The following DNAJB14 variants were observed in gnomAD, a reference collection of about 807,000 sequenced individuals.
DNAJB14 encodes DnaJ heat shock protein family (Hsp40) member B14.
A neutral mutation model predicts 48.4 loss-of-function variants in DNAJB14; 22 were observed. The observed-to-expected ratio is 0.45, with a 90% confidence interval of 0.32 to 0.65. The LOEUF (loss-of-function observed/expected upper bound fraction) is 0.65. DNAJB14 is among the 30% of genes least tolerant of loss of function. The pLI is 0.03. For missense variants in DNAJB14, 319 were observed against 458.8 expected (o/e 0.70, Z 2.78); for synonymous variants, 142 against 158.7 (o/e 0.89, Z 0.79).
intron 1 of DNAJB14, among the ~76,000 whole-genome samples, chr4:99,932,390 G>T (rs1392730400): frequency 2.0e-5 from 3 of 151,732 alleles, no homozygotes; most frequent in African/African-American, 7.3e-5. Flanking sequence ...CAAACAAATG[G>T]TCAATAAGCA....
In DNAJB14 at chr4:99,908,801, T is replaced by G. The variant is rs1321102844; in HGVS notation, c.547A>C (p.Asn183His). The change falls in exon 4 of 8, where the codon AAT (asparagine) becomes CAT (histidine). Residue 183 changes from asparagine to histidine, a missense_variant. Around this residue, in one of 3 missense-constraint regions of DNAJB14, gnomAD observed 166 missense variants for 236.3 expected, o/e 0.70. Transcript: ENST00000442697. ...CCTCTATGGAAATTAAATCTGCCATTGTTTTGGTGGTTACATGCTTGTTCT... is the reference window on the plus strand; with the variant it reads ...CCTCTATGGAAATTAAATCTGCCATGGTTTTGGTGGTTACATGCTTGTTCT... ...NEEQACNHQNNGRFNFHRGCE... is the reference protein window; with the variant it reads ...NEEQACNHQNHGRFNFHRGCE... The G allele has an allele frequency of 1.9e-6, 3 of 1,612,656 alleles. No homozygotes were observed. Among genetic ancestry groups the G allele is most frequent in the Non-Finnish European group, 2.5e-6 (3 of 1,179,184 alleles).
chr4:99,940,068 A>G (rs940485477), intron 1 of DNAJB14, among the ~76,000 whole-genome samples: 1 of 152,218 alleles, frequency 6.6e-6, no homozygotes, highest in African/African-American at 2.4e-5. Context: ...ATTAAAGACC[A>G]ATGAAAAAGT....
intron 1 of DNAJB14, among the ~76,000 whole-genome samples, chr4:99,944,294 G>A (rs1181513599): frequency 6.6e-6 from 1 of 152,190 alleles, no homozygotes; most frequent in Non-Finnish European, 1.5e-5. Flanking sequence ...TGTACTGTTC[G>A]TGGGAAAGTA....
intron 3 of DNAJB14, among the ~76,000 whole-genome samples, chr4:99,921,344 C>A (rs570616545): frequency 6.6e-6 from 1 of 152,170 alleles, no homozygotes; most frequent in African/African-American, 2.4e-5. Flanking sequence ...CTGAAATGTA[C>A]CACATGAAAG....
intron 3 of DNAJB14, among the ~76,000 whole-genome samples, chr4:99,915,556 C>T (rs1725824802): frequency 6.6e-6 from 1 of 152,206 alleles, no homozygotes; most frequent in African/African-American, 2.4e-5. Context: ...CTTTGTGTAA[C>T]TGATTTCCAC....
intron 6 of DNAJB14, among the ~76,000 whole-genome samples, chr4:99,904,623 C>T (rs1358874647): frequency 6.6e-6 from 1 of 152,058 alleles, no homozygotes; most frequent in Non-Finnish European, 1.5e-5. Flanking sequence ...CACTGCTGGT[C>T]CCAAGCATTT....
intron 3 of DNAJB14, among the ~76,000 whole-genome samples, chr4:99,913,640 T>TC (rs1725747874): frequency 6.7e-6 from 1 of 150,234 alleles, no homozygotes; most frequent in Non-Finnish European, 1.5e-5. Context: ...TTTTTTTTTT[T>TC]CTGTAATGTC....
chr4:99,903,673 A>G (rs1725369454), intron 7 of DNAJB14, 53 bp downstream of exon 7: 2 of 1,527,770 alleles, frequency 1.3e-6, no homozygotes, highest in Non-Finnish European at 1.8e-6. Context: ...TACATTAATC[A>G]GTTCCAAAGA....
At chr4:99,904,429 C>T (rs755320149) in intron 6 of DNAJB14, among the ~76,000 whole-genome samples, 49 of 152,220 alleles carry the variant, frequency 3.2e-4, no homozygotes, top group Non-Finnish European at 6.0e-4. Flanking sequence ...TCAATGTATA[C>T]AAACTTTGTT....
intron 1 of DNAJB14, chr4:99,942,350 C>T (rs1560751040): frequency 6.6e-6 from 1 of 151,752 alleles, no homozygotes; most frequent in African/African-American, 2.4e-5. Context: ...AATCTACAAA[C>T]TATTTCCCAA....
At chr4:99,907,845 G>A (rs1427531172) in intron 4 of DNAJB14, among the ~76,000 whole-genome samples, 2 of 152,092 alleles carry the variant, frequency 1.3e-5, no homozygotes, top group African/African-American at 4.8e-5. Context: ...ATAATTTTAA[G>A]TACCTTAGAG....
chr4:99,930,596 AT>A lies in DNAJB14; in HGVS notation c.158del (p.Asn53MetfsTer45). ...ARALLEIIMK[N>X]GSTAGNSPHC... ...GAGGGCTATTTCCAGCCGTGCTTCC[AT>A]TTTTCATAATTATTTCCAATAGTGC... On this transcript the variant is annotated frameshift_variant, in exon 2 of 8. Transcript: ENST00000442697. LOFTEE classifies it high-confidence loss of function. The A allele has an allele frequency of 6.2e-7, 1 of 1,610,926 alleles. No homozygotes were observed. Among genetic ancestry groups the A allele is most frequent in the South Asian group, 1.1e-5 (1 of 90,370 alleles).
At chr4:99,933,280 A>C (rs1726546525) in intron 1 of DNAJB14, among the ~76,000 whole-genome samples, 1 of 150,648 alleles carries the variant, frequency 6.6e-6, no homozygotes, top group Admixed American at 6.6e-5. Context: ...TCAGTTATTA[A>C]TGAGAAATAT....
chr4:99,903,046 C>T (rs190751292), intron 7 of DNAJB14, among the ~76,000 whole-genome samples: 24 of 152,250 alleles, frequency 1.6e-4, no homozygotes, highest in African/African-American at 5.8e-4. Flanking sequence ...TTCAACTTTA[C>T]TCAGTTTAAT....
chr4:99,921,281 C>T (rs970463884), intron 3 of DNAJB14, among the ~76,000 whole-genome samples: 6 of 152,256 alleles, frequency 3.9e-5, no homozygotes, highest in Non-Finnish European at 8.8e-5. Context: ...AATCACTTCC[C>T]GGCATGTTGG....
At position 99,923,813 on chromosome 4, in the gene DNAJB14, A is replaced by T. The variant is rs146264482; in HGVS notation, c.306-628T>A. The T allele has an allele frequency of 8.4e-4, 827 of 979,400 alleles. 6 individuals are homozygous for T. The African/African-American group carries it at 0.014, about 17-fold the overall frequency. The allele number at this position is 979,400 out of a possible 1,614,324, so 60.7% of individuals were successfully genotyped here. A position where few individuals can be genotyped will look rare whatever the true frequency, so the allele number is the denominator to read the frequency against. ...CTCAGCCTTCCAAAGTGCTGGGATT[A>T]TAGGCATAAACCACTGCACCCGGCC... On this transcript the variant is annotated intron_variant, in intron 2 of 7. Transcript: ENST00000442697.
Position 99,900,620 on chromosome 4 carries a change from T to C in DNAJB14, c.*408A>G, listed in dbSNP as rs1357101195. 1.3e-5 allele frequency: 2 copies of C among 153,818 alleles called. No individual in the cohort carries two copies. Among genetic ancestry groups the C allele is most frequent in the Non-Finnish European group, 2.9e-5 (2 of 68,856 alleles). The allele number at this position is 153,818 out of a possible 1,614,324, so 9.5% of individuals were successfully genotyped here. A position where few individuals can be genotyped will look rare whatever the true frequency, so the allele number is the denominator to read the frequency against. ...TTTATTCCATCAATTTAAACTGAAG[T>C]GTCTCATGGAGCTAAACACTAAAAG... On this transcript the variant is annotated 3_prime_UTR_variant, in exon 8 of 8. Transcript: ENST00000442697.
At chr4:99,932,182 C>G (rs1174818585) in intron 1 of DNAJB14, among the ~76,000 whole-genome samples, 1 of 151,078 alleles carries the variant, frequency 6.6e-6, no homozygotes, top group Non-Finnish European at 1.5e-5. Flanking sequence ...TGGGCTTTAT[C>G]AAAATTTAAA....
At chr4:99,934,789 C>CAAAAA (rs1167945149) in intron 1 of DNAJB14, among the ~76,000 whole-genome samples, 209 of 6,812 alleles carry the variant, frequency 0.031, 41 homozygotes, top group East Asian at 0.039. Flanking sequence ...AAGACTGTCT[C>CAAAAA]AAAAAAAAAA....
Sources: gnomAD v4.1 joint callset for allele counts (sites outside exome capture counted in the v4.1 genomes callset) on GRCh38, gnomAD v4.1.1 for gene constraint, gnomAD v4.1.1 regional missense constraint, MANE v1.5 for transcripts, NCBI Gene and HGNC (gene_info 2026-07-23, HGNC 2026-07-21) for gene names.